WLS: variants seen among roughly 807,000 people sequenced by gnomAD.
The protein encoded by WLS is Wnt ligand secretion mediator.
A neutral mutation model predicts 62.8 loss-of-function variants in WLS; 23 were observed. That is an observed-to-expected ratio of 0.37 (90% CI 0.26 to 0.52). WLS has a LOEUF of 0.52. WLS is among the 20% of genes least tolerant of loss of function. The pLI is 0.92. For missense variants in WLS, 615 were observed against 697.3 expected, an observed-to-expected ratio of 0.88 and a Z score of 1.33; for synonymous variants, 246 against 244.1, an observed-to-expected ratio of 1.01 and a Z score of -0.07.
At chr1:68,168,858 T>C (rs1319244300) in intron 2 of WLS, among the ~76,000 whole-genome samples, 1 of 152,212 alleles carries the variant, frequency 6.6e-6, no homozygotes, top group African/African-American at 2.4e-5. Context: ...CTTGAATTTT[T>C]CTTGACGCTT....
chr1:68,124,806 G>C (rs1646405349), downstream of WLS, among the ~76,000 whole-genome samples: 2 of 152,210 alleles, frequency 1.3e-5, no homozygotes, highest in South Asian at 4.1e-4. Flanking sequence ...TACATGGACT[G>C]TGCCCCAGAC....
intron 11 of WLS, among the ~76,000 whole-genome samples, chr1:68,100,199 G>A (rs140824184): frequency 1.3e-4 from 20 of 152,280 alleles, no homozygotes; most frequent in African/African-American, 4.8e-4. Flanking sequence ...AAAGTCTAGG[G>A]GCCAAGCTCA....
chr1:68,216,304 A>G (rs1040208931), intron 1 of WLS, among the ~76,000 whole-genome samples: 2 of 152,358 alleles, frequency 1.3e-5, no homozygotes, highest in Middle Eastern at 3.4e-3. Flanking sequence ...CTCAGTTTTC[A>G]TAAGTTTAAA....
intron 1 of WLS, among the ~76,000 whole-genome samples, chr1:68,214,199 A>ACACACACACACACACACACACG (rs761676326): frequency 4.6e-5 from 7 of 151,832 alleles, no homozygotes; most frequent in Non-Finnish European, 7.4e-5. Context: ...ACACACACAC[A>ACACACACACACACACACACACG]CACACACACA....
chr1:68,117,898 T>C (rs572623799), intron 11 of WLS, among the ~76,000 whole-genome samples: 1 of 152,194 alleles, frequency 6.6e-6, no homozygotes, highest in East Asian at 1.9e-4. Context: ...CAAAAAATCA[T>C]GCTAGGATAA....
At chr1:68,107,302 T>A (rs977338130) in intron 11 of WLS, among the ~76,000 whole-genome samples, 1 of 152,218 alleles carries the variant, frequency 6.6e-6, no homozygotes, top group African/African-American at 2.4e-5. Context: ...GCTAGATTTT[T>A]TTTTTTTGCT....
intron 11 of WLS, among the ~76,000 whole-genome samples, chr1:68,137,483 G>T (rs986518021): frequency 1.3e-5 from 2 of 152,180 alleles, no homozygotes; most frequent in Admixed American, 6.5e-5. Context: ...GCTCAAAAAT[G>T]TAAAGAAGAA....
At chr1:68,173,412 CT>C (rs1281396670) in intron 2 of WLS, among the ~76,000 whole-genome samples, 8 of 61,614 alleles carry the variant, frequency 1.3e-4, no homozygotes, top group Admixed American at 1.6e-4. Flanking sequence ...CTGCGTGCCC[CT>C]CTCTCTCTCT....
At chr1:68,134,141 T>C (rs967830638) in intron 11 of WLS, among the ~76,000 whole-genome samples, 6 of 152,206 alleles carry the variant, frequency 3.9e-5, no homozygotes, top group Admixed American at 3.3e-4. Flanking sequence ...TATCCTTCCT[T>C]GCAAGAGTTC....
Position 68,126,330 on chromosome 1 carries a change from G to T in WLS, c.1522C>A (p.Leu508Met). The T allele has an allele frequency of 6.2e-7, 1 of 1,614,064 alleles. No homozygotes were observed. Among genetic ancestry groups the T allele is most frequent in the Non-Finnish European group, 8.5e-7 (1 of 1,180,024 alleles). ...AGTTCTTCCCCACTATGGACACCCA[G>T]ATCGCCTGAAACAGGGTTTTCGGTG... Reference protein sequence around the residue: ...NYGEDQSNGDLGVHSGEELQL... With the variant: ...NYGEDQSNGDMGVHSGEELQL... The change falls in exon 12 of 12, where the codon CTG (leucine) becomes ATG (methionine). Residue 508 changes from leucine (L) to methionine (M), a missense_variant. Coordinates refer to ENST00000262348, the MANE Select transcript of WLS (RefSeq NM_024911.7).
At chr1:68,230,816 C>T (rs566512021) in intron 1 of WLS, among the ~76,000 whole-genome samples, 1 of 152,252 alleles carries the variant, frequency 6.6e-6, no homozygotes, top group East Asian at 1.9e-4. Flanking sequence ...TGGATGTTAC[C>T]GTGATTTACA....
chr1:68,170,287 T>A (rs986476463), intron 2 of WLS, among the ~76,000 whole-genome samples: 7 of 148,946 alleles, frequency 4.7e-5, no homozygotes, highest in African/African-American at 1.7e-4. Flanking sequence ...TGCCTCAGCC[T>A]CCTGAGTAAC....
chr1:68,108,764 G>C (rs1646181193), intron 11 of WLS, among the ~76,000 whole-genome samples: 1 of 152,076 alleles, frequency 6.6e-6, no homozygotes, highest in African/African-American at 2.4e-5. Context: ...TTTATTATCT[G>C]GGGAAAGTAA....
chr1:68,159,266 A>C lies in WLS; in HGVS notation c.380-19T>G. ...TTTTCTCCTGCAAGAGAAAGGATGC[A>C]CGTTTCAGAAATGACTTTTGGAAAG... On this transcript the variant is annotated intron_variant, in intron 2 of 11. Transcript: ENST00000262348. 2 of 1,608,232 alleles carry C rather than the reference A, an allele frequency of 1.2e-6. No homozygotes were observed. Among genetic ancestry groups the C allele is most frequent in the Non-Finnish European group, 1.7e-6 (2 of 1,178,248 alleles).
chr1:68,125,278 T>C (rs1447998009), downstream of WLS: 1 of 947,720 alleles, frequency 1.1e-6, no homozygotes, highest in Non-Finnish European at 1.3e-6. Flanking sequence ...TGATAAAGTA[T>C]ATCAGTTTTT....
At chr1:68,100,456 C>T (rs1370241381) in intron 11 of WLS, among the ~76,000 whole-genome samples, 1 of 152,124 alleles carries the variant, frequency 6.6e-6, no homozygotes, top group African/African-American at 2.4e-5. Flanking sequence ...TGTGAATGAC[C>T]CCTAAACTCA....
intron 11 of WLS, among the ~76,000 whole-genome samples, chr1:68,102,152 C>T (rs1187528613): frequency 6.6e-6 from 1 of 152,164 alleles, no homozygotes; most frequent in African/African-American, 2.4e-5. Flanking sequence ...ACACCCTCCT[C>T]CCTGTGTTAG....
At position 68,126,306 on chromosome 1, in the gene WLS, G is replaced by A. The variant is rs371753437; in HGVS notation, c.1546C>T (p.Leu516Phe). The change falls in exon 12 of 12, where the codon CTC becomes TTC. Residue 516 changes from leucine to phenylalanine, a missense_variant. Physicochemically the swap from Leu to Phe is conservative, Grantham distance 22. Coordinates refer to ENST00000262348, the MANE Select transcript of WLS (RefSeq NM_024911.7). ...TGGGTGATAGTGGTGGTGAGCTGGA[G>A]TTCTTCCCCACTATGGACACCCAGA... ...GDLGVHSGEE[L>F]QLTTTITHVD... The A allele has an allele frequency of 2.4e-5, 39 of 1,613,994 alleles. No homozygotes were observed. Among genetic ancestry groups the A allele is most frequent in the East Asian group, 1.6e-4 (7 of 44,892 alleles).
intron 1 of WLS, among the ~76,000 whole-genome samples, chr1:68,219,252 C>T (rs1055056698): frequency 6.6e-6 from 1 of 152,136 alleles, no homozygotes; most frequent in Admixed American, 6.5e-5. Context: ...ATATATAACC[C>T]AGACATAATA....
Sources: gnomAD v4.1 joint callset for allele counts (sites outside exome capture counted in the v4.1 genomes callset) on GRCh38, gnomAD v4.1.1 for gene constraint, MANE v1.5 for transcripts, NCBI Gene and HGNC (gene_info 2026-07-23, HGNC 2026-07-21) for gene names.